The following GRIK1 variants were observed in gnomAD, a reference collection of about 807,000 sequenced individuals.
GRIK1 encodes the protein glutamate receptor ionotropic, kainate 1.
A neutral mutation model predicts 105.7 loss-of-function variants in GRIK1; 69 were observed. The ratio of observed to expected loss-of-function variants is 0.65; its 90% CI spans 0.54 to 0.80. The LOEUF is 0.80. Among genes scored for constraint, GRIK1 ranks in the 30% least tolerant of loss-of-function variants. The pLI is 0.00. For synonymous variants in GRIK1, 438 were observed against 431.3 expected (o/e 1.02, Z -0.19); for missense variants, 1,109 against 1,167.3 (o/e 0.95, Z 0.73).
chr21:29,829,828 T>C (rs1258597482), intron 1 of GRIK1, among the ~76,000 whole-genome samples: 1 of 152,116 alleles, frequency 6.6e-6, no homozygotes, highest in African/African-American at 2.4e-5. Flanking sequence ...CCAGTAACAT[T>C]TATAATCAGA....
chr21:29,666,123 G>A (rs1464823406), intron 4 of GRIK1, among the ~76,000 whole-genome samples: 2 of 152,186 alleles, frequency 1.3e-5, no homozygotes, highest in African/African-American at 2.4e-5. Flanking sequence ...AAATAAATAA[G>A]CCAGGCTTGG....
intron 1 of GRIK1, among the ~76,000 whole-genome samples, chr21:29,712,197 A>G (rs1302037669): frequency 2.0e-5 from 3 of 151,464 alleles, no homozygotes; most frequent in Non-Finnish European, 4.4e-5. Context: ...GGCATTTTCC[A>G]TGTTATTTAA....
At chr21:29,939,294 C>T (rs886264223) in intron 1 of GRIK1, 89 bp downstream of exon 1, 1 of 767,460 alleles carries the variant, frequency 1.3e-6, no homozygotes, top group South Asian at 1.6e-5. Flanking sequence ...CCTGCGCCGC[C>T]GCGCGCTGCC....
In GRIK1 at chr21:29,673,030, C is replaced by T; in HGVS notation, c.679G>A (p.Val227Met). ...KEMKKGKEFY[V>M]IFDCSHETAA... ...GTTTCATGTGAACAATCAAATATCA[C>T]ATAGAACTCCTTGCCTTTCTTCATC... Residue 227 changes from valine to methionine, a missense_variant, in exon 4 of 18, where the codon GTG (valine) becomes ATG (methionine). Val to Met is a conservative substitution (Grantham distance 21, BLOSUM62 1). Coordinates refer to ENST00000327783, the MANE Select transcript of GRIK1 (RefSeq NM_001330994.2). The T allele has an allele frequency of 6.2e-7, 1 of 1,613,592 alleles. No individual in the cohort carries two copies. Among genetic ancestry groups the T allele is most frequent in the Non-Finnish European group, 8.5e-7 (1 of 1,179,574 alleles).
chr21:29,586,907 C>T (rs2091141521), intron 12 of GRIK1, among the ~76,000 whole-genome samples: 1 of 152,134 alleles, frequency 6.6e-6, no homozygotes, highest in Non-Finnish European at 1.5e-5. Flanking sequence ...TATTTTTCTT[C>T]ATTCCTAAGG....
intron 1 of GRIK1, among the ~76,000 whole-genome samples, chr21:29,889,833 T>C (rs2069825022): frequency 6.6e-6 from 1 of 152,070 alleles, no homozygotes; most frequent in African/African-American, 2.4e-5. Context: ...TTTAAATGTA[T>C]TAAATAGAAT....
At chr21:29,634,887 G>A (rs1247058345) in intron 7 of GRIK1, among the ~76,000 whole-genome samples, 1 of 152,136 alleles carries the variant, frequency 6.6e-6, no homozygotes, top group Admixed American at 6.5e-5. Context: ...GGTGGACACA[G>A]GAAGCTATGA....
At chr21:29,662,033 CAA>C (rs1291850799) in intron 4 of GRIK1, among the ~76,000 whole-genome samples, 1 of 152,202 alleles carries the variant, frequency 6.6e-6, no homozygotes, top group South Asian at 2.1e-4. Context: ...AGATATTCCA[CAA>C]AGAGTTGATG....
intron 1 of GRIK1, among the ~76,000 whole-genome samples, chr21:29,823,406 C>T (rs1463541701): frequency 6.6e-6 from 1 of 151,538 alleles, no homozygotes; most frequent in Non-Finnish European, 1.5e-5. Context: ...ATTTACAAAT[C>T]AAAATAACGA....
At chr21:29,925,444 G>A (rs2832485) in intron 1 of GRIK1, among the ~76,000 whole-genome samples, 90,938 of 151,966 alleles carry the variant, frequency 0.6, 29,508 homozygotes, top group East Asian at 0.83. Context: ...ATTTTTATAA[G>A]CCTTTAAAAT....
intron 1 of GRIK1, among the ~76,000 whole-genome samples, chr21:29,934,647 A>G (rs575227186): frequency 2.2e-4 from 34 of 152,320 alleles, no homozygotes; most frequent in African/African-American, 7.7e-4. Context: ...GTCCATATAC[A>G]ATATGGCATA....
At chr21:29,927,496 TTATAA>T (rs1470320539) in intron 1 of GRIK1, among the ~76,000 whole-genome samples, 7 of 150,156 alleles carry the variant, frequency 4.7e-5, no homozygotes, top group African/African-American at 1.5e-4. Context: ...TATGCAATGC[TTATAA>T]TATATATATA....
chr21:29,850,489 T>C (rs1014987761), intron 1 of GRIK1, among the ~76,000 whole-genome samples: 3 of 152,124 alleles, frequency 2.0e-5, no homozygotes, highest in Non-Finnish European at 4.4e-5. Flanking sequence ...TCCTCTCCCC[T>C]GGCCACTCCT....
chr21:29,607,535 A>T (rs907093888), intron 7 of GRIK1, among the ~76,000 whole-genome samples: 11 of 152,198 alleles, frequency 7.2e-5, no homozygotes, highest in African/African-American at 2.2e-4. Context: ...AGAGAAACTG[A>T]AGTTTAAATA....
rs757891414 is a variant in GRIK1, at chr21:29,555,336, A to G, written c.2357-34T>C. The G allele has an allele frequency of 1.9e-6, 3 of 1,593,268 alleles. No individual in the cohort carries two copies. The East Asian group carries it at 6.7e-5, about 36-fold the overall frequency. ...AAAACCATCTGGATATTGGTCACCA[A>G]AATGTTGAAGAAGACATCCAGAAGT... On this transcript the variant is annotated intron_variant, in intron 15 of 17. Transcript: ENST00000327783.
chr21:29,833,891 C>T (rs1373972325), intron 1 of GRIK1, among the ~76,000 whole-genome samples: 1 of 152,206 alleles, frequency 6.6e-6, no homozygotes, highest in Non-Finnish European at 1.5e-5. Flanking sequence ...GCTTTCACAG[C>T]ACCATGAACT....
intron 7 of GRIK1, among the ~76,000 whole-genome samples, chr21:29,637,593 T>A (rs3787670): frequency 3.9e-5 from 6 of 152,080 alleles, no homozygotes; most frequent in African/African-American, 1.4e-4. Flanking sequence ...GAGAGATTCC[T>A]TGCCCCTTTC....
intron 15 of GRIK1, among the ~76,000 whole-genome samples, chr21:29,560,290 T>TCTTTCTTTCTTTCTTTCTTTCTTTC (rs1568812246): frequency 1.3e-5 from 1 of 77,132 alleles, no homozygotes. Flanking sequence ...TTTCTTTCTT[T>TCTTTCTTTCTTTCTTTCTTTCTTTC]CTTTCTTTCT....
intron 9 of GRIK1, among the ~76,000 whole-genome samples, chr21:29,595,179 T>TAC (rs775534563): frequency 3.9e-5 from 6 of 152,056 alleles, no homozygotes; most frequent in Non-Finnish European, 8.8e-5. Flanking sequence ...ATCAGAAAGT[T>TAC]ACAACCCTCG....
Sources: gnomAD v4.1 joint callset for allele counts (sites outside exome capture counted in the v4.1 genomes callset) on GRCh38, gnomAD v4.1.1 for gene constraint, MANE v1.5 for transcripts, NCBI Gene and HGNC (gene_info 2026-07-23, HGNC 2026-07-21) for gene names.